The following CDKL1 variants were observed in gnomAD, a reference collection of about 807,000 sequenced individuals.
CDKL1 encodes cyclin-dependent kinase-like 1.
CDKL1 carries 41 observed loss-of-function variants against 42.0 expected under a neutral mutation model. The ratio of observed to expected loss-of-function variants is 0.98; its 90% CI spans 0.76 to 1.27. CDKL1 has a LOEUF of 1.27. CDKL1 is among the 50% of genes most tolerant of loss of function. The pLI is 0.00. For synonymous variants in CDKL1, 153 were observed against 158.6 expected (o/e 0.96, Z 0.26); for missense variants, 394 against 428.4 (o/e 0.92, Z 0.71).
intron 3 of CDKL1, among the ~76,000 whole-genome samples, chr14:50,346,863 G>A (rs527955545): frequency 1.6e-4 from 24 of 151,950 alleles, no homozygotes; most frequent in Non-Finnish European, 2.8e-4. Flanking sequence ...TGACCAGGCT[G>A]GTCTCAAACC....
chr14:50,347,310 AATAG>A (rs975243213), intron 3 of CDKL1, among the ~76,000 whole-genome samples: 1 of 152,270 alleles, frequency 6.6e-6, no homozygotes, highest in East Asian at 1.9e-4. Flanking sequence ...AAAGGGGAAA[AATAG>A]ATAGAATATA....
chr14:50,340,548 A>C (rs2033477302), intron 6 of CDKL1, among the ~76,000 whole-genome samples: 1 of 152,124 alleles, frequency 6.6e-6, no homozygotes. Flanking sequence ...TGGGAAAGCA[A>C]GACGGACTGA....
intron 8 of CDKL1, chr14:50,334,289 C>CA (rs2139368129): frequency 3.9e-6 from 1 of 256,256 alleles, no homozygotes; most frequent in African/African-American, 2.2e-5. Flanking sequence ...CCTGAGTAGT[C>CA]GGGATTACAG....
chr14:50,366,199 A>C (rs984012311), intron 2 of CDKL1, among the ~76,000 whole-genome samples: 2 of 152,244 alleles, frequency 1.3e-5, no homozygotes, highest in African/African-American at 4.8e-5. Context: ...CTCAGGCATT[A>C]AACAAAGAAG....
At chr14:50,382,369 T>C (rs1171414172) in intron 2 of CDKL1, among the ~76,000 whole-genome samples, 1 of 152,076 alleles carries the variant, frequency 6.6e-6, no homozygotes, top group Non-Finnish European at 1.5e-5. Flanking sequence ...AGGAATTGCG[T>C]GAACCCGGGA....
intron 2 of CDKL1, among the ~76,000 whole-genome samples, chr14:50,359,610 A>T (rs74968514): frequency 8.3e-4 from 127 of 152,170 alleles, no homozygotes; most frequent in African/African-American, 3.0e-3. Context: ...AATTGTTTGA[A>T]GTCTTCTGGT....
intron 6 of CDKL1, among the ~76,000 whole-genome samples, chr14:50,340,438 CA>C (rs756104389): frequency 2.0e-5 from 3 of 152,160 alleles, no homozygotes; most frequent in Non-Finnish European, 2.9e-5. Flanking sequence ...TGGAAGAGGG[CA>C]ATCACTACTG....
At position 50,380,589 on chromosome 14, in the gene CDKL1, G is replaced by A. The variant is rs114480162; in HGVS notation, c.168+15112C>T. ...ACTCTGTCACCATATAATCCACAAG[G>A]ACCTTAATTGTCTTGACGTTCCACT... is the stretch of plus-strand genomic sequence containing the variant. On this transcript the variant is annotated intron_variant, in intron 2 of 9. Coordinates refer to ENST00000395834, the MANE Select transcript of CDKL1 (RefSeq NM_004196.7). Among the ~76,000 whole-genome samples, 347 of 152,268 alleles carry A rather than the reference G, an allele frequency of 2.3e-3. 2 individuals carry two copies. Among genetic ancestry groups the A allele is most frequent in the African/African-American group, 7.9e-3 (328 of 41,550 alleles).
At position 50,327,096 on chromosome 14, in the gene CDKL1, G is replaced by A. The variant is rs7147718; in HGVS notation, c.*2978C>T. 0.56 allele frequency: 85,042 copies of A among 151,468 alleles called. 23,871 individuals carry two copies. The highest frequency in any genetic ancestry group is 0.64 in the East Asian group (3,194 of 4,988). 9.4% of individuals were successfully genotyped at this position (151,468 alleles called of 1,614,324 possible). ...TAATCCCAGCACTTTTGAAGGCCAAGGCAGGCAGATCATTTGAGCCCAGGA... is the reference window on the plus strand; with the variant it reads ...TAATCCCAGCACTTTTGAAGGCCAAAGCAGGCAGATCATTTGAGCCCAGGA... On this transcript the variant is annotated 3_prime_UTR_variant, in exon 10 of 10. Transcript: ENST00000395834.
chr14:50,385,757 T>C (rs1320129792), intron 2 of CDKL1, among the ~76,000 whole-genome samples: 1 of 144,712 alleles, frequency 6.9e-6, no homozygotes, highest in Non-Finnish European at 1.5e-5. Context: ...TGAGTTGAGA[T>C]TGCGCCACTG....
At chr14:50,359,549 G>A (rs1257704639) in intron 2 of CDKL1, among the ~76,000 whole-genome samples, 1 of 152,022 alleles carries the variant, frequency 6.6e-6, no homozygotes, top group Admixed American at 6.6e-5. Context: ...CAGAATTACT[G>A]AGTAATTAAT....
chr14:50,340,078 C>A (rs2033456821), intron 6 of CDKL1, among the ~76,000 whole-genome samples: 1 of 152,170 alleles, frequency 6.6e-6, no homozygotes. Flanking sequence ...CCTTAATAAC[C>A]TTCTTCCTCC....
At chr14:50,337,946 C>T (rs1413358480) in intron 7 of CDKL1, among the ~76,000 whole-genome samples, 1 of 152,074 alleles carries the variant, frequency 6.6e-6, no homozygotes, top group East Asian at 1.9e-4. Context: ...GCTGGGATTA[C>T]AGGCATGAGC....
rs4901029 is a variant in CDKL1 at position 50,396,074 on chromosome 14, A to T, written c.-206T>A. On this transcript the variant is annotated 5_prime_UTR_variant, in exon 2 of 10. Transcript: ENST00000395834. The stretch of plus-strand genomic sequence containing the variant: ...GGTGATGGGCGCCCGTAGTCCCAGC[A>T]ACTCAGGAGACTGAGGCAGGAGAAT... 738,725 of 1,094,614 alleles carry T rather than the reference A, an allele frequency of 0.67. 250,779 individuals carry two copies. The highest frequency in any genetic ancestry group is 0.79 in the African/African-American group (48,661 of 61,580). 67.8% of individuals were successfully genotyped at this position (1,094,614 alleles called of 1,614,324 possible).
At chr14:50,340,239 T>C (rs1424504248) in intron 6 of CDKL1, among the ~76,000 whole-genome samples, 1 of 152,182 alleles carries the variant, frequency 6.6e-6, no homozygotes, top group Non-Finnish European at 1.5e-5. Context: ...GCCTACAATG[T>C]GCAGACACTG....
chr14:50,326,472 T>A lies in CDKL1; in HGVS notation c.*3602A>T. On this transcript the variant is annotated 3_prime_UTR_variant, in exon 10 of 10. Transcript: ENST00000395834. ...ATTACAGATTCATTGATGGAGTCAA[T>A]TATGCAAAGTGGTCAGTGGTTGTTG... The A allele has an allele frequency of 1.0e-6, 1 of 985,408 alleles. No homozygotes were observed. The highest frequency in any genetic ancestry group is 1.1e-4 in the East Asian group (1 of 8,814). The allele number at this position is 985,408 out of a possible 1,614,324, so 61.0% of individuals were successfully genotyped here.
At chr14:50,372,860 G>T (rs1446258495) in intron 2 of CDKL1, among the ~76,000 whole-genome samples, 2 of 151,648 alleles carry the variant, frequency 1.3e-5, no homozygotes, top group Non-Finnish European at 2.9e-5. Context: ...GTTCATTTCT[G>T]GGCTCTCCAT....
chr14:50,334,672 G>T, intron 7 of CDKL1, 51 bp from the exon 8 acceptor site: 1 of 1,095,754 alleles, frequency 9.1e-7, no homozygotes, highest in Non-Finnish European at 1.4e-6. Flanking sequence ...TCAAATTAAG[G>T]TTACCTCAAA....
intron 2 of CDKL1, among the ~76,000 whole-genome samples, chr14:50,386,678 A>G (rs924584973): frequency 6.6e-6 from 1 of 151,620 alleles, no homozygotes. Flanking sequence ...TAAACCCAGT[A>G]CCTTGGGAGA....
Sources: gnomAD v4.1 joint callset for allele counts (sites outside exome capture counted in the v4.1 genomes callset) on GRCh38, gnomAD v4.1.1 for gene constraint, MANE v1.5 for transcripts, NCBI Gene and HGNC (gene_info 2026-07-23, HGNC 2026-07-21) for gene names.